CTTNBP2: variants seen among roughly 807,000 people sequenced by gnomAD.
CTTNBP2 encodes the protein cortactin-binding protein 2.
CTTNBP2 carries 108 observed loss-of-function variants against 156.9 expected under a neutral mutation model. The observed-to-expected ratio is 0.69, with a 90% CI of 0.59 to 0.81. The LOEUF (loss-of-function observed/expected upper bound fraction) is 0.81. Ranked by LOEUF, CTTNBP2 falls within the 30% of genes least tolerant of loss-of-function variation. The probability of loss-of-function intolerance (pLI) is 0.00; values close to 1 mark genes in which losing one functional copy is unlikely to be tolerated. For synonymous variants in CTTNBP2, 767 were observed against 751.8 expected, an observed-to-expected ratio of 1.02 and a Z score of -0.33; for missense variants, 1,924 against 2,035.4, an observed-to-expected ratio of 0.95 and a Z score of 1.05.
chr7:117,811,912 A>AT (rs574356393), intron 2 of CTTNBP2, among the ~76,000 whole-genome samples: 32 of 53,590 alleles, frequency 6.0e-4, no homozygotes, highest in African/African-American at 3.1e-3. Flanking sequence ...TTAAATTAAA[A>AT]TTTTAATGTA....
chr7:117,846,803 A>AT, intron 2 of CTTNBP2, among the ~76,000 whole-genome samples: 1 of 152,252 alleles, frequency 6.6e-6, no homozygotes, highest in South Asian at 2.1e-4. Context: ...AAGATTTAAA[A>AT]ACTGGCTTCT....
intron 17 of CTTNBP2, among the ~76,000 whole-genome samples, chr7:117,725,820 TG>T (rs1795063463): frequency 6.6e-6 from 1 of 152,146 alleles, no homozygotes; most frequent in Non-Finnish European, 1.5e-5. Flanking sequence ...TCCAAGTAGC[TG>T]GGATTACAGG....
intron 12 of CTTNBP2, among the ~76,000 whole-genome samples, chr7:117,746,472 T>G (rs1189355143): frequency 6.6e-6 from 1 of 152,224 alleles, no homozygotes; most frequent in East Asian, 1.9e-4. Flanking sequence ...CAATGCTTAT[T>G]TAGCTTGTTC....
Position 117,728,172 on chromosome 7 carries a change from G to A in CTTNBP2, c.3972C>T (p.Arg1324=). ...VWRQLNSCLA[R]LGTPEALLGP... ...CAAGAAGTGCTTCAGGTGTGCCCAAGCGGGCCAGGCAGGAGTTAAGCTGAC... is the reference window on the plus strand; with the variant it reads ...CAAGAAGTGCTTCAGGTGTGCCCAAACGGGCCAGGCAGGAGTTAAGCTGAC... The change falls in exon 17 of 23, where the codon CGC becomes CGT. Residue 1324 remains arginine (R), a synonymous_variant. Coordinates refer to ENST00000160373, the MANE Select transcript of CTTNBP2 (RefSeq NM_033427.3). The A allele has an allele frequency of 6.2e-7, 1 of 1,614,184 alleles. No homozygotes were observed. Among genetic ancestry groups the A allele is most frequent in the South Asian group, 1.1e-5 (1 of 91,090 alleles).
intron 10 of CTTNBP2, 171 bp downstream of exon 10, chr7:117,760,264 C>T: frequency 1.6e-6 from 1 of 607,012 alleles, no homozygotes. Flanking sequence ...TATTAACAGG[C>T]AACATTACAT....
chr7:117,718,841 T>C (rs1269657000), intron 21 of CTTNBP2, among the ~76,000 whole-genome samples: 3 of 152,202 alleles, frequency 2.0e-5, no homozygotes, highest in East Asian at 3.8e-4. Flanking sequence ...ATGACTGATA[T>C]GCCAAAGTTA....
chr7:117,733,410 G>A (rs142005359), intron 16 of CTTNBP2, among the ~76,000 whole-genome samples: 1 of 152,122 alleles, frequency 6.6e-6, no homozygotes, highest in African/African-American at 2.4e-5. Context: ...AGCGGGAGAG[G>A]GGTATACTTT....
chr7:117,760,283 C>A (rs1239788341), intron 10 of CTTNBP2, 152 bp downstream of exon 10: 3 of 663,272 alleles, frequency 4.5e-6, no homozygotes. Context: ...ATAATGGCTA[C>A]ATTGTGAATA....
chr7:117,802,206 C>CTCAGTAATTGTATGTAATG (rs1799658995), intron 3 of CTTNBP2, among the ~76,000 whole-genome samples: 1 of 151,530 alleles, frequency 6.6e-6, no homozygotes, highest in South Asian at 2.1e-4. Flanking sequence ...TGATTCAATA[C>CTCAGTAATTGTATGTAATG]AGGAAAATTA....
intron 16 of CTTNBP2, among the ~76,000 whole-genome samples, chr7:117,733,702 G>C (rs916163371): frequency 3.3e-5 from 5 of 152,062 alleles, no homozygotes; most frequent in Non-Finnish European, 5.9e-5. Flanking sequence ...AGGAATTTCA[G>C]ATATTAATTC....
In CTTNBP2 at chr7:117,724,670, A is replaced by G. The variant is rs766747811; in HGVS notation, c.4324T>C (p.Tyr1442His). 2.5e-6 allele frequency: 4 copies of G among 1,614,202 alleles called. No homozygotes were observed. The South Asian group carries it at 3.3e-5, about 13-fold the overall frequency. The change falls in exon 19 of 23, where the codon TAT becomes CAT. Residue 1442 changes from tyrosine (Y) to histidine (H), a missense_variant. Physicochemically the swap from Tyr to His is moderately conservative, Grantham distance 83. Transcript: ENST00000160373. ...GSFPLSIVSS[Y>H]NTCNKKKGES... Reference sequence around the variant, plus strand: ...CCTTTCTTCTTGTTACAAGTGTTATAACTGGAAACTATGGATAAAGGGAAA... The same window carrying G: ...CCTTTCTTCTTGTTACAAGTGTTATGACTGGAAACTATGGATAAAGGGAAA...
At chr7:117,786,234 A>G (rs1293473490) in intron 4 of CTTNBP2, among the ~76,000 whole-genome samples, 1 of 152,210 alleles carries the variant, frequency 6.6e-6, no homozygotes, top group Non-Finnish European at 1.5e-5. Flanking sequence ...TCTATGAATA[A>G]TTTATTGTTT....
At chr7:117,816,599 T>C (rs992292276) in intron 2 of CTTNBP2, among the ~76,000 whole-genome samples, 4 of 152,172 alleles carry the variant, frequency 2.6e-5, no homozygotes, top group Non-Finnish European at 4.4e-5. Context: ...CAAGGAAACA[T>C]CTGTAATGAA....
intron 2 of CTTNBP2, among the ~76,000 whole-genome samples, chr7:117,838,897 T>C (rs1320382879): frequency 6.8e-6 from 1 of 147,310 alleles, no homozygotes; most frequent in Non-Finnish European, 1.5e-5. Context: ...TTTTATTACT[T>C]AGAATTTCTT....
chr7:117,810,057 T>A (rs1481335508), intron 3 of CTTNBP2, among the ~76,000 whole-genome samples: 1 of 152,204 alleles, frequency 6.6e-6, no homozygotes, highest in Non-Finnish European at 1.5e-5. Flanking sequence ...CAAGTTTTCA[T>A]TGAACTTTGT....
intron 2 of CTTNBP2, among the ~76,000 whole-genome samples, chr7:117,847,328 G>A (rs1273081017): frequency 1.3e-5 from 2 of 152,220 alleles, no homozygotes; most frequent in Non-Finnish European, 2.9e-5. Flanking sequence ...TTGAGGCCAG[G>A]AGTTCAAGAC....
chr7:117,869,963 C>G (rs576795388), intron 1 of CTTNBP2, among the ~76,000 whole-genome samples: 26 of 152,278 alleles, frequency 1.7e-4, no homozygotes, highest in African/African-American at 6.0e-4. Context: ...GCATATGGCT[C>G]CCTAGGATAT....
At chr7:117,846,007 C>T (rs963769721) in intron 2 of CTTNBP2, among the ~76,000 whole-genome samples, 9 of 151,022 alleles carry the variant, frequency 6.0e-5, no homozygotes, top group Admixed American at 6.6e-5. Context: ...CCTGCCACCA[C>T]GCCCGGCTAA....
chr7:117,745,996 A>G lies in CTTNBP2; in HGVS notation c.3435+17T>C, dbSNP rs1258948398. On this transcript the variant is annotated intron_variant, in intron 13 of 22. Coordinates refer to ENST00000160373, the MANE Select transcript of CTTNBP2 (RefSeq NM_033427.3). ...CAATTTTCAAAGAAAAGCAGCTGATATACAAGTAATCAATACCTTCAGGCA... is the reference window on the plus strand; with the variant it reads ...CAATTTTCAAAGAAAAGCAGCTGATGTACAAGTAATCAATACCTTCAGGCA... 3.0e-5 allele frequency: 49 copies of G among 1,612,104 alleles called. No homozygotes were observed. Among genetic ancestry groups the G allele is most frequent in the Non-Finnish European group, 3.9e-5 (46 of 1,178,096 alleles).
Sources: allele counts gnomAD v4.1 joint callset (sites outside exome capture counted in the v4.1 genomes callset), GRCh38; gene constraint gnomAD v4.1.1; transcripts MANE v1.5; gene names NCBI Gene and HGNC (gene_info 2026-07-23, HGNC 2026-07-21).